Variants in WDR64 observed in about 807,000 individuals in gnomAD.
The protein encoded by WDR64 is WD repeat-containing protein 64.
In WDR64, 112 loss-of-function variants were observed where a neutral mutation model predicts 139.3. That is an observed-to-expected ratio of 0.80 (90% confidence interval 0.69 to 0.94). The LOEUF is 0.94. Among genes scored for constraint, WDR64 ranks in the 40% least tolerant of loss-of-function variants. The pLI is 0.00. For missense variants in WDR64, 1,206 were observed against 1,293.1 expected, an observed-to-expected ratio of 0.93 and a Z score of 1.03; for synonymous variants, 444 against 437.7, an observed-to-expected ratio of 1.01 and a Z score of -0.18.
intron 9 of WDR64, among the ~76,000 whole-genome samples, chr1:241,716,286 G>GAAAAA (rs1491223337): frequency 5.5e-5 from 2 of 36,498 alleles, no homozygotes; most frequent in Admixed American, 2.2e-4. Flanking sequence ...AGCTTTTGCA[G>GAAAAA]GAAAAAAAAA....
chr1:241,655,011 A>G (rs1665523918), intron 1 of WDR64, among the ~76,000 whole-genome samples: 1 of 152,218 alleles, frequency 6.6e-6, no homozygotes, highest in Non-Finnish European at 1.5e-5. Flanking sequence ...AGTATTTTGG[A>G]TAATGGATAC....
chr1:241,654,965 G>A (rs1424621083), intron 1 of WDR64, among the ~76,000 whole-genome samples: 2 of 152,146 alleles, frequency 1.3e-5, no homozygotes, highest in South Asian at 2.1e-4. Context: ...CCCAAAATCT[G>A]AAAAAAATCC....
chr1:241,671,274 T>G (rs1666216390), intron 3 of WDR64, 98 bp downstream of exon 3: 2 of 899,508 alleles, frequency 2.2e-6, no homozygotes, highest in African/African-American at 1.7e-5. Context: ...TTTCATTTTA[T>G]GTATTTGTTC....
rs1574009029 is a variant in WDR64, at chr1:241,687,580, G to T, written c.959G>T (p.Arg320Ile). ...TCATTAGTTTTGGAATCCTTGAAGA[G>T]ACTCGAGGATAATTTGTAAGTATAG... ...NHSLVLESLK[R>I]LEDNLPVREF... The change falls in exon 8 of 28, where the codon AGA (arginine) becomes ATA (isoleucine). Residue 320 changes from arginine to isoleucine, a missense_variant. By Grantham distance (97) the Arg-to-Ile change is moderately conservative. Coordinates refer to ENST00000437684, the MANE Select transcript of WDR64 (RefSeq NM_001367482.1). 1.9e-6 allele frequency: 3 copies of T among 1,612,918 alleles called. No individual in the cohort carries two copies. The highest frequency in any genetic ancestry group is 2.5e-6 in the Non-Finnish European group (3 of 1,179,390).
rs770905326 is a variant in WDR64 at position 241,687,538 on chromosome 1, C to G, written c.917C>G (p.Ser306Cys). The change falls in exon 8 of 28, where the codon TCC becomes TGC. Residue 306 changes from serine (S) to cysteine (C), a missense_variant. Ser to Cys is a moderately radical substitution (Grantham distance 112). Coordinates refer to ENST00000437684, the MANE Select transcript of WDR64 (RefSeq NM_001367482.1). ...GCCCTAAATTGTTTTGGATCCTGCT[C>G]CTTAGACAGTAATCATTCATTAGTT... is the stretch of plus-strand genomic sequence containing the variant. ...ISALNCFGSC[S>C]LDSNHSLVLE... 18 of 1,613,590 alleles carry G rather than the reference C, an allele frequency of 1.1e-5. No individual in the cohort carries two copies. In the African/African-American group the frequency reaches 1.7e-4, roughly 16 times the overall value.
In WDR64 at chr1:241,772,962, A is replaced by G. The variant is rs1476167511; in HGVS notation, c.2430+31A>G. ...GGAACCCAGCAAGTCTGGGAATAGG[A>G]AAGAATGGGAAAGATAAAAAGAATC... On this transcript the variant is annotated intron_variant, in intron 20 of 27. Transcript: ENST00000437684. The G allele has an allele frequency of 3.3e-6, 5 of 1,528,642 alleles. No homozygotes were observed. The African/African-American group carries it at 5.6e-5, about 17-fold the overall frequency. 94.7% of individuals were successfully genotyped at this position (1,528,642 alleles called of 1,614,324 possible).
Position 241,683,553 on chromosome 1 carries a change from G to A in WDR64, c.691G>A (p.Asp231Asn), listed in dbSNP as rs959684552. 1.3e-6 allele frequency: 2 copies of A among 1,551,736 alleles called. No homozygotes were observed. The highest frequency in any genetic ancestry group is 1.2e-5 in the South Asian group (1 of 84,050). The change falls in exon 7 of 28, where the codon GAC becomes AAC. Residue 231 changes from aspartate (D) to asparagine (N), a missense_variant. Transcript: ENST00000437684. ...LLCVCVVPLPDHLCRDDILLG... is the reference protein window; with the variant it reads ...LLCVCVVPLPNHLCRDDILLG... ...GTGTGTGTGTGTGGTGCCTTTGCCT[G>A]ACCATCTCTGCCGAGATGACATCCT...
At chr1:241,750,940 C>A (rs1195504495) in intron 14 of WDR64, among the ~76,000 whole-genome samples, 1 of 152,024 alleles carries the variant, frequency 6.6e-6, no homozygotes, top group Admixed American at 6.6e-5. Context: ...GAGCGGGCAG[C>A]TTTATAATAT....
intron 8 of WDR64, among the ~76,000 whole-genome samples, chr1:241,701,012 T>A (rs922104414): frequency 6.6e-6 from 1 of 152,236 alleles, no homozygotes; most frequent in Non-Finnish European, 1.5e-5. Context: ...ATTCCCTTTG[T>A]TCAAGCATTA....
chr1:241,786,027 C>T (rs761798827), intron 23 of WDR64, among the ~76,000 whole-genome samples: 7 of 152,306 alleles, frequency 4.6e-5, no homozygotes, highest in African/African-American at 1.2e-4. Context: ...AGAATTGTTC[C>T]GAAGTTAGCC....
intron 22 of WDR64, among the ~76,000 whole-genome samples, chr1:241,781,028 C>T (rs559902936): frequency 6.6e-6 from 1 of 152,214 alleles, no homozygotes; most frequent in Non-Finnish European, 1.5e-5. Context: ...AAAAACAAAC[C>T]GTATGCTTGA....
At chr1:241,792,082 C>T (rs1180485550) in intron 25 of WDR64, among the ~76,000 whole-genome samples, 1 of 152,190 alleles carries the variant, frequency 6.6e-6, no homozygotes, top group African/African-American at 2.4e-5. Flanking sequence ...CCATTACCAA[C>T]CTACAGTTAC....
chr1:241,655,383 T>A (rs759305795), intron 1 of WDR64, among the ~76,000 whole-genome samples: 1 of 152,108 alleles, frequency 6.6e-6, no homozygotes, highest in East Asian at 1.9e-4. Context: ...AGAGAGACTC[T>A]GTCCCCCCTC....
chr1:241,725,120 G>C (rs564119636), intron 10 of WDR64, among the ~76,000 whole-genome samples: 2 of 151,954 alleles, frequency 1.3e-5, no homozygotes, highest in African/African-American at 4.8e-5. Context: ...AAGTCAGTAG[G>C]GGAAAGAAAG....
At position 241,782,326 on chromosome 1, in the gene WDR64, G is replaced by GA. The variant is rs11416792; in HGVS notation, c.2596-946_2596-945insA. On this transcript the variant is annotated intron_variant, in intron 22 of 27. Coordinates refer to ENST00000437684, the MANE Select transcript of WDR64 (RefSeq NM_001367482.1). ...GAACTAGGAGTCCAGATTTTACTTT[G>GA]GCTCTCTAAAAATAACCAGAGGGAA... 6.5e-3 allele frequency among the ~76,000 whole-genome samples: 988 copies of GA among 152,232 alleles called. 11 individuals carry two copies. The highest frequency in any genetic ancestry group is 0.023 in the African/African-American group (945 of 41,568).
intron 4 of WDR64, among the ~76,000 whole-genome samples, chr1:241,675,367 C>A (rs1666511323): frequency 6.6e-6 from 1 of 150,542 alleles, no homozygotes; most frequent in Non-Finnish European, 1.5e-5. Flanking sequence ...GTATCAGGTA[C>A]AGCGGAAACC....
At chr1:241,741,400 T>C (rs1478621968) in intron 11 of WDR64, 116 bp from the exon 12 acceptor site, 3 of 754,878 alleles carry the variant, frequency 4.0e-6, no homozygotes, top group South Asian at 2.4e-5. Flanking sequence ...TAGGCATTGA[T>C]TGATATTGCT....
At chr1:241,762,282 A>G (rs1657949213) in intron 15 of WDR64, among the ~76,000 whole-genome samples, 1 of 150,880 alleles carries the variant, frequency 6.6e-6, no homozygotes. Context: ...ATTTTCAATG[A>G]GCAGTAATAT....
At chr1:241,767,643 G>C (rs981121670) in intron 16 of WDR64, among the ~76,000 whole-genome samples, 2 of 152,160 alleles carry the variant, frequency 1.3e-5, no homozygotes, top group Non-Finnish European at 2.9e-5. Flanking sequence ...AAATACAAAA[G>C]AAATGTCTGC....
Sources: allele counts gnomAD v4.1 joint callset (sites outside exome capture counted in the v4.1 genomes callset), GRCh38; gene constraint gnomAD v4.1.1; transcripts MANE v1.5; gene names NCBI Gene and HGNC (gene_info 2026-07-23, HGNC 2026-07-21).